The following GTF2E2 variants were observed in gnomAD, a reference collection of about 807,000 sequenced individuals.
GTF2E2 encodes general transcription factor IIE subunit 2.
In GTF2E2, 21 loss-of-function variants were observed where a neutral mutation model predicts 40.5. That is an observed-to-expected ratio of 0.52 (90% CI 0.37 to 0.75). The LOEUF (loss-of-function observed/expected upper bound fraction) is 0.75, where lower values mean the gene tolerates loss of function less well. Among genes scored for constraint, GTF2E2 ranks in the 30% least tolerant of loss-of-function variants. The pLI, the probability that GTF2E2 is intolerant of heterozygous loss-of-function variation, is 0.00. For synonymous variants in GTF2E2, 117 were observed against 121.6 expected (o/e 0.96, Z 0.25); for missense variants, 298 against 338.4 (o/e 0.88, Z 0.94).
chr8:30,633,350 G>C (rs1801495932), intron 3 of GTF2E2, among the ~76,000 whole-genome samples: 1 of 152,058 alleles, frequency 6.6e-6, no homozygotes, highest in South Asian at 2.1e-4. Context: ...AAGGGAGTTT[G>C]TTTTTATACT....
chr8:30,589,380 C>A (rs571293638), intron 6 of GTF2E2, among the ~76,000 whole-genome samples: 1 of 152,272 alleles, frequency 6.6e-6, no homozygotes, highest in Non-Finnish European at 1.5e-5. Context: ...AAAAGCGAGA[C>A]CTCCATCTCT....
At chr8:30,595,382 T>C (rs1170063658) in intron 6 of GTF2E2, among the ~76,000 whole-genome samples, 1 of 152,210 alleles carries the variant, frequency 6.6e-6, no homozygotes, top group East Asian at 1.9e-4. Flanking sequence ...AAAAACTCTA[T>C]CTCCTAGAAA....
At chr8:30,593,571 C>T (rs1172178703) in intron 6 of GTF2E2, among the ~76,000 whole-genome samples, 1 of 152,234 alleles carries the variant, frequency 6.6e-6, no homozygotes, top group Non-Finnish European at 1.5e-5. Context: ...TGGCTTATTG[C>T]AACCTCCAAC....
chr8:30,591,010 A>G (rs1343508994), intron 6 of GTF2E2, among the ~76,000 whole-genome samples: 1 of 152,148 alleles, frequency 6.6e-6, no homozygotes, highest in African/African-American at 2.4e-5. Context: ...AAACTTTTAT[A>G]CCTCATAAGA....
chr8:30,600,932 C>T (rs1405455970), intron 6 of GTF2E2, among the ~76,000 whole-genome samples: 1 of 152,132 alleles, frequency 6.6e-6, no homozygotes, highest in Non-Finnish European at 1.5e-5. Flanking sequence ...CCTAGTGGAA[C>T]GAAACGAAAA....
At chr8:30,591,225 C>T (rs950171537) in intron 6 of GTF2E2, among the ~76,000 whole-genome samples, 8 of 152,252 alleles carry the variant, frequency 5.3e-5, no homozygotes, top group African/African-American at 1.9e-4. Flanking sequence ...GTGGTTCACA[C>T]CTATAATTCC....
At chr8:30,656,421 G>A (rs1455471786) in intron 1 of GTF2E2, among the ~76,000 whole-genome samples, 1 of 152,136 alleles carries the variant, frequency 6.6e-6, no homozygotes, top group African/African-American at 2.4e-5. Context: ...GAAGGTGGGA[G>A]CAAAAAGTAA....
intron 5 of GTF2E2, among the ~76,000 whole-genome samples, chr8:30,608,943 G>T (rs116976253): frequency 0.042 from 6,406 of 152,158 alleles, 204 homozygotes; most frequent in African/African-American, 0.086. Flanking sequence ...TAGAGACAGC[G>T]TTTCACCATG....
intron 3 of GTF2E2, 26 bp from the exon 4 acceptor site, chr8:30,614,741 G>C (rs1336945956): frequency 3.7e-6 from 5 of 1,334,642 alleles, no homozygotes; most frequent in Non-Finnish European, 5.4e-6. Flanking sequence ...ATTGTTATTA[G>C]AAGACAGTTT....
At position 30,653,414 on chromosome 8, in the gene GTF2E2, C is replaced by A; in HGVS notation, c.166+19G>T. On this transcript the variant is annotated intron_variant, in intron 2 of 7. Coordinates refer to ENST00000355904, the MANE Select transcript of GTF2E2 (RefSeq NM_002095.6). The stretch of plus-strand genomic sequence containing the variant: ...ATAATCTGAATAAAAACCAAACAGT[C>A]CTAAACAATTTTACTAACCAGAATT... The A allele has an allele frequency of 6.3e-7, 1 of 1,597,492 alleles. No individual in the cohort carries two copies.
intron 6 of GTF2E2, among the ~76,000 whole-genome samples, chr8:30,595,900 A>T (rs1209032985): frequency 2.0e-5 from 3 of 152,118 alleles, no homozygotes; most frequent in Non-Finnish European, 2.9e-5. Context: ...AAAGAAAAGA[A>T]AAGATTATTT....
intron 2 of GTF2E2, among the ~76,000 whole-genome samples, chr8:30,651,286 G>C (rs1348281145): frequency 6.6e-6 from 1 of 151,658 alleles, no homozygotes; most frequent in Non-Finnish European, 1.5e-5. Flanking sequence ...TCTTGACATA[G>C]AAAATCCTAG....
intron 6 of GTF2E2, among the ~76,000 whole-genome samples, chr8:30,603,913 A>T (rs977594081): frequency 6.6e-6 from 1 of 152,170 alleles, no homozygotes; most frequent in African/African-American, 2.4e-5. Context: ...GAAAAACCGC[A>T]CACTATTAAA....
intron 5 of GTF2E2, among the ~76,000 whole-genome samples, chr8:30,609,225 C>T (rs930152713): frequency 6.7e-5 from 10 of 149,768 alleles, no homozygotes; most frequent in African/African-American, 2.0e-4. Context: ...GAGATCACCC[C>T]ACTGCACACC....
At chr8:30,632,805 C>T (rs1257389337) in intron 3 of GTF2E2, among the ~76,000 whole-genome samples, 1 of 152,122 alleles carries the variant, frequency 6.6e-6, no homozygotes, top group African/African-American at 2.4e-5. Flanking sequence ...CTAACAGAAG[C>T]ATTAACTAAT....
At chr8:30,620,239 A>C (rs137943630) in intron 3 of GTF2E2, among the ~76,000 whole-genome samples, 1 of 150,418 alleles carries the variant, frequency 6.6e-6, no homozygotes, top group Non-Finnish European at 1.5e-5. Context: ...CACACACACA[A>C]ACACACACAC....
chr8:30,612,069 A>T (rs1029121547), intron 5 of GTF2E2, among the ~76,000 whole-genome samples: 9 of 152,176 alleles, frequency 5.9e-5, no homozygotes, highest in Non-Finnish European at 1.0e-4. Flanking sequence ...GAACAATCAA[A>T]CAATCATATA....
At position 30,635,840 on chromosome 8, in the gene GTF2E2, A is replaced by G. The variant is rs749383605; in HGVS notation, c.167-717T>C. On this transcript the variant is annotated intron_variant, in intron 2 of 7. Coordinates refer to ENST00000355904, the MANE Select transcript of GTF2E2 (RefSeq NM_002095.6). ...TTCTGAGGGAAGAAAAGTTCAATAT[A>G]CCACTTTTTACATCAATTTCTGCTT... Among the ~76,000 whole-genome samples, 12 of 152,206 alleles carry G rather than the reference A, an allele frequency of 7.9e-5. 1 individual carries two copies. Among genetic ancestry groups the G allele is most frequent in the Admixed American group, 6.5e-4 (10 of 15,274 alleles).
chr8:30,612,676 A>C (rs959965058), intron 4 of GTF2E2, among the ~76,000 whole-genome samples, 195 bp from the exon 5 acceptor site: 3 of 151,900 alleles, frequency 2.0e-5, no homozygotes, highest in African/African-American at 7.3e-5. Flanking sequence ...CCCTCTCAGC[A>C]CCTGGGACTG....
Sources: gnomAD v4.1 joint callset for allele counts (sites outside exome capture counted in the v4.1 genomes callset) on GRCh38, gnomAD v4.1.1 for gene constraint, MANE v1.5 for transcripts, NCBI Gene and HGNC (gene_info 2026-07-23, HGNC 2026-07-21) for gene names.